RPS6KC1: variants seen among roughly 807,000 people sequenced by gnomAD.
The protein encoded by RPS6KC1 is ribosomal protein S6 kinase C1.
Under a neutral mutation model 103.8 loss-of-function variants are expected in RPS6KC1, and 54 were observed. That is an observed-to-expected ratio of 0.52 (90% CI 0.42 to 0.65). The LOEUF is 0.65. Ranked by LOEUF, RPS6KC1 falls within the 30% of genes least tolerant of loss-of-function variation. The pLI is 0.00. For synonymous variants in RPS6KC1, 439 were observed against 438.7 expected (o/e 1.00, Z -0.01); for missense variants, 1,151 against 1,253.8 (o/e 0.92, Z 1.24).
rs373569208 is a variant in RPS6KC1, at chr1:213,242,556, G to A, written c.2822-13G>A. On this transcript the variant is annotated splice_polypyrimidine_tract_variant and intron_variant, in intron 11 of 14. Transcript: ENST00000366960. ...GAAAAATGTTTTGATTTCTCCTGTC[G>A]TTTTGTTTTTAGGACACATTCAGCT... 47 of 1,603,110 alleles carry A rather than the reference G, an allele frequency of 2.9e-5. No individual in the cohort carries two copies. Among genetic ancestry groups the A allele is most frequent in the African/African-American group, 1.7e-4 (13 of 74,614 alleles).
At chr1:213,366,197 C>T in the RPS6KC1 span, among the ~76,000 whole-genome samples, 601 of 152,292 alleles carry the variant, frequency 3.9e-3, 3 homozygotes, top group African/African-American at 0.013. Context: ...GATAACCTGG[C>T]GTAGTTCCTG....
At chr1:213,371,786 T>C in the RPS6KC1 span, among the ~76,000 whole-genome samples, 1 of 152,198 alleles carries the variant, frequency 6.6e-6, no homozygotes, top group Non-Finnish European at 1.5e-5. Context: ...TGCACTGAAA[T>C]GGGGCACAGG....
intron 1 of RPS6KC1, among the ~76,000 whole-genome samples, chr1:213,053,322 C>G (rs2077091716): frequency 6.6e-6 from 1 of 152,186 alleles, no homozygotes; most frequent in Non-Finnish European, 1.5e-5. Flanking sequence ...TAGAGCAGTT[C>G]TCTATCATTG....
chr1:213,080,882 A>T (rs1179020112), intron 3 of RPS6KC1, among the ~76,000 whole-genome samples: 2 of 152,216 alleles, frequency 1.3e-5, no homozygotes. Flanking sequence ...CGTTATTATG[A>T]CAGAGCAAAT....
At chr1:213,523,337 A>G in the RPS6KC1 span, among the ~76,000 whole-genome samples, 1 of 152,246 alleles carries the variant, frequency 6.6e-6, no homozygotes, top group Non-Finnish European at 1.5e-5. Context: ...AATAATAATG[A>G]AAAAAGTTTA....
At chr1:213,302,390 G>A in the RPS6KC1 span, among the ~76,000 whole-genome samples, 8 of 152,240 alleles carry the variant, frequency 5.3e-5, no homozygotes, top group Non-Finnish European at 1.0e-4. Context: ...GACCAGGTGT[G>A]GTGACTCACA....
chr1:213,670,937 T>TGTTTG, the RPS6KC1 span, among the ~76,000 whole-genome samples: 2 of 152,180 alleles, frequency 1.3e-5, no homozygotes, highest in African/African-American at 4.8e-5. Context: ...TTTTATTCCC[T>TGTTTG]CTCAGGGGTT....
the RPS6KC1 span, among the ~76,000 whole-genome samples, chr1:213,405,280 T>C: frequency 3.3e-5 from 5 of 152,228 alleles, no homozygotes; most frequent in African/African-American, 9.7e-5. Flanking sequence ...AACAGGATTT[T>C]CTCCAGGTTC....
At chr1:213,510,810 A>G in the RPS6KC1 span, among the ~76,000 whole-genome samples, 1 of 152,050 alleles carries the variant, frequency 6.6e-6, no homozygotes, top group African/African-American at 2.4e-5. Flanking sequence ...CTTTCCCTAT[A>G]CTATATAAGC....
the RPS6KC1 span, among the ~76,000 whole-genome samples, chr1:213,741,269 C>T: frequency 6.6e-6 from 1 of 151,774 alleles, no homozygotes; most frequent in Non-Finnish European, 1.5e-5. Context: ...ATTTTAAAAT[C>T]TAATCTTTAA....
At chr1:213,342,111 C>T in the RPS6KC1 span, among the ~76,000 whole-genome samples, 2 of 152,280 alleles carry the variant, frequency 1.3e-5, no homozygotes, top group East Asian at 1.9e-4. Flanking sequence ...AATTTCTCAC[C>T]AAGTTGCCTT....
chr1:213,120,255 C>G (rs2084231380), intron 5 of RPS6KC1, among the ~76,000 whole-genome samples: 2 of 152,150 alleles, frequency 1.3e-5, no homozygotes, highest in African/African-American at 2.4e-5. Flanking sequence ...AACCATGGAA[C>G]TGGAAATGCT....
At chr1:213,464,874 T>C in the RPS6KC1 span, among the ~76,000 whole-genome samples, 2 of 152,086 alleles carry the variant, frequency 1.3e-5, no homozygotes, top group African/African-American at 4.8e-5. Context: ...TGCCACATAG[T>C]TCTCTCTTTA....
At chr1:213,667,525 A>C in the RPS6KC1 span, among the ~76,000 whole-genome samples, 116 of 152,324 alleles carry the variant, frequency 7.6e-4, no homozygotes, top group Middle Eastern at 3.4e-3. Context: ...AGCAGGTGGT[A>C]ATCTTTTTGC....
intron 3 of RPS6KC1, among the ~76,000 whole-genome samples, chr1:213,080,789 A>T (rs2079802929): frequency 6.6e-6 from 1 of 151,904 alleles, no homozygotes; most frequent in Non-Finnish European, 1.5e-5. Flanking sequence ...GGTCTTTAAC[A>T]CCTGTGCTCA....
At chr1:213,655,605 C>A in the RPS6KC1 span, among the ~76,000 whole-genome samples, 3 of 152,234 alleles carry the variant, frequency 2.0e-5, no homozygotes, top group South Asian at 4.2e-4. Context: ...GAGAGAAATT[C>A]AAAATTAGGT....
intron 3 of RPS6KC1, among the ~76,000 whole-genome samples, chr1:213,090,139 A>T (rs529218188): frequency 6.6e-6 from 1 of 152,228 alleles, no homozygotes; most frequent in Non-Finnish European, 1.5e-5. Context: ...TGGTATTCTC[A>T]CCATCAAGTT....
intron 6 of RPS6KC1, among the ~76,000 whole-genome samples, chr1:213,151,456 G>C (rs2088884297): frequency 7.2e-6 from 1 of 139,678 alleles, no homozygotes; most frequent in African/African-American, 2.8e-5. Flanking sequence ...GGATGGGGCG[G>C]CTGGCCGGGC....
chr1:213,692,384 G>T, the RPS6KC1 span, among the ~76,000 whole-genome samples: 2 of 93,668 alleles, frequency 2.1e-5, no homozygotes, highest in Non-Finnish European at 4.6e-5. Context: ...GTGAGACTCT[G>T]TCTCAAAAAA....
Sources: gnomAD v4.1 joint callset for allele counts (sites outside exome capture counted in the v4.1 genomes callset) on GRCh38, gnomAD v4.1.1 for gene constraint, MANE v1.5 for transcripts, NCBI Gene and HGNC (gene_info 2026-07-23, HGNC 2026-07-21) for gene names.